The following F13A1 variants were observed in gnomAD, a reference collection of about 807,000 sequenced individuals.
The protein encoded by F13A1 is FSF, A subunit.
In F13A1, 47 loss-of-function variants were observed where a neutral mutation model predicts 80.1. The ratio of observed to expected loss-of-function variants is 0.59; its 90% CI spans 0.46 to 0.75. The LOEUF (loss-of-function observed/expected upper bound fraction) is 0.75. F13A1 is among the 30% of genes least tolerant of loss of function. The probability of loss-of-function intolerance (pLI) is 0.00; values close to 1 mark genes in which losing one functional copy is unlikely to be tolerated. For synonymous variants in F13A1, 349 were observed against 344.9 expected, an observed-to-expected ratio of 1.01 and a Z score of -0.13; for missense variants, 817 against 930.4, an observed-to-expected ratio of 0.88 and a Z score of 1.59.
chr6:6,256,389 C>T (rs756676372), intron 4 of F13A1, among the ~76,000 whole-genome samples: 2 of 152,112 alleles, frequency 1.3e-5, no homozygotes, highest in Non-Finnish European at 2.9e-5. Context: ...ACCACCATTA[C>T]GATAAAACTC....
intron 13 of F13A1, among the ~76,000 whole-genome samples, chr6:6,154,873 A>T (rs1328380252): frequency 2.6e-5 from 4 of 152,246 alleles, no homozygotes; most frequent in African/African-American, 9.6e-5. Flanking sequence ...CCACAGAGAC[A>T]TTATTGGCAA....
At chr6:6,178,467 A>G (rs1583057560) in intron 11 of F13A1, among the ~76,000 whole-genome samples, 1 of 152,268 alleles carries the variant, frequency 6.6e-6, no homozygotes, top group South Asian at 2.1e-4. Context: ...TCTCTTCACC[A>G]GAGTAGGGGG....
intron 3 of F13A1, among the ~76,000 whole-genome samples, chr6:6,299,947 TTGTC>T (rs1375021355): frequency 2.7e-5 from 4 of 147,522 alleles, no homozygotes; most frequent in East Asian, 1.9e-4. Flanking sequence ...TCCTTTCTGT[TTGTC>T]AGTTTTCCTT....
intron 3 of F13A1, among the ~76,000 whole-genome samples, chr6:6,283,606 A>AC: frequency 6.6e-6 from 1 of 152,210 alleles, no homozygotes; most frequent in East Asian, 1.9e-4. Context: ...TTTAAAAAAA[A>AC]CTTTTAAACA....
chr6:6,224,869 G>A lies in F13A1; in HGVS notation c.799-9C>T. 6.2e-7 allele frequency: 1 copy of A among 1,614,000 alleles called. No homozygotes were observed. The highest frequency in any genetic ancestry group is 1.1e-5 in the South Asian group (1 of 91,084). On this transcript the variant is annotated splice_polypyrimidine_tract_variant and intron_variant, in intron 6 of 14. Coordinates refer to ENST00000264870, the MANE Select transcript of F13A1 (RefSeq NM_000129.4). ...TCATCTTTGGCATTCACCTAAATGA[G>A]TCCGTGAGAAGTGAGAAGGAAGAAA...
intron 3 of F13A1, among the ~76,000 whole-genome samples, chr6:6,289,608 C>T (rs1394024043): frequency 6.6e-6 from 1 of 152,028 alleles, no homozygotes; most frequent in Non-Finnish European, 1.5e-5. Flanking sequence ...TTACTAATGT[C>T]CCTAACAAAA....
intron 13 of F13A1, among the ~76,000 whole-genome samples, chr6:6,161,551 T>TGTGTGTGTGTGTGTGTGTGTGTGAGA (rs1010361754): frequency 6.8e-6 from 1 of 146,282 alleles, no homozygotes; most frequent in African/African-American, 2.5e-5. Context: ...TGTGTGTGTG[T>TGTGTGTGTGTGTGTGTGTGTGTGAGA]GAGAGAGAGA....
intron 6 of F13A1, among the ~76,000 whole-genome samples, chr6:6,241,134 T>G (rs187154704): frequency 2.0e-5 from 3 of 152,244 alleles, no homozygotes; most frequent in Admixed American, 6.5e-5. Context: ...ATATGAATCA[T>G]AGAAAGAGAC....
intron 14 of F13A1, among the ~76,000 whole-genome samples, chr6:6,146,701 T>C (rs1240469912): frequency 6.6e-6 from 1 of 152,220 alleles, no homozygotes; most frequent in Non-Finnish European, 1.5e-5. Context: ...AGTCCCTTTT[T>C]CAAGATCACA....
chr6:6,256,124 T>A (rs1038780201), intron 4 of F13A1, among the ~76,000 whole-genome samples: 7 of 152,140 alleles, frequency 4.6e-5, no homozygotes, highest in Non-Finnish European at 7.3e-5. Flanking sequence ...GGGAAGCTAG[T>A]TCTTCACTTA....
chr6:6,184,089 G>A (rs1280954759), intron 10 of F13A1, among the ~76,000 whole-genome samples: 1 of 152,218 alleles, frequency 6.6e-6, no homozygotes, highest in Non-Finnish European at 1.5e-5. Flanking sequence ...TACTAAGGGG[G>A]AGATAGCCAA....
chr6:6,206,664 C>T, intron 8 of F13A1: 1 of 410,118 alleles, frequency 2.4e-6, no homozygotes, highest in Non-Finnish European at 5.1e-6. Context: ...GCAATGCCCC[C>T]TTCTTGTTTT....
chr6:6,160,075 G>A (rs111502553), intron 13 of F13A1, among the ~76,000 whole-genome samples: 2,399 of 151,836 alleles, frequency 0.016, 34 homozygotes, highest in Middle Eastern at 0.044. Flanking sequence ...TCAGGAGTTC[G>A]AGACCAGCCT....
At chr6:6,189,870 G>A (rs915187633) in intron 10 of F13A1, among the ~76,000 whole-genome samples, 36 of 152,060 alleles carry the variant, frequency 2.4e-4, no homozygotes, top group Non-Finnish European at 3.1e-4. Flanking sequence ...CCAGTGAGAC[G>A]TAGATTTGGT....
intron 4 of F13A1, among the ~76,000 whole-genome samples, chr6:6,252,995 C>G (rs967694259): frequency 1.6e-4 from 25 of 151,916 alleles, no homozygotes; most frequent in Middle Eastern, 3.4e-3. Context: ...CCCATCTCTA[C>G]TAAAAATAAA....
At chr6:6,314,507 G>C (rs1758652583) in intron 2 of F13A1, among the ~76,000 whole-genome samples, 1 of 152,138 alleles carries the variant, frequency 6.6e-6, no homozygotes, top group South Asian at 2.1e-4. Context: ...GCGCTTGCCT[G>C]TCAGGAACAC....
chr6:6,304,829 C>T (rs980886257), intron 3 of F13A1, among the ~76,000 whole-genome samples: 3 of 144,900 alleles, frequency 2.1e-5, no homozygotes, highest in Non-Finnish European at 4.5e-5. Context: ...CACCACTGTT[C>T]CAGCCTGGGC....
Position 6,182,017 on chromosome 6 carries a change from T to G in F13A1, c.1430A>C (p.Asp477Ala). The change falls in exon 11 of 15, where the codon GAT (aspartate) becomes GCT (alanine). Residue 477 changes from aspartate (D) to alanine (A), a missense_variant. By Grantham distance (126) the Asp-to-Ala change is moderately radical (BLOSUM62 -2). Coordinates refer to ENST00000264870, the MANE Select transcript of F13A1 (RefSeq NM_000129.4). ...TKQIGGDGMM[D>A]ITDTYKFQEG... ...TTGGAATTTGTAAGTATCAGTAATA[T>G]CCATCATGCCATCTCCTCCAATTTG... 6.2e-7 allele frequency: 1 copy of G among 1,614,192 alleles called. No individual in the cohort carries two copies. Among genetic ancestry groups the G allele is most frequent in the Non-Finnish European group, 8.5e-7 (1 of 1,180,016 alleles).
chr6:6,186,550 T>C (rs2151078718), intron 10 of F13A1, among the ~76,000 whole-genome samples: 1 of 152,354 alleles, frequency 6.6e-6, no homozygotes, highest in South Asian at 2.1e-4. Context: ...CGGCATTATT[T>C]CTGAGGACTC....
Sources: allele counts gnomAD v4.1 joint callset (sites outside exome capture counted in the v4.1 genomes callset), GRCh38; gene constraint gnomAD v4.1.1; transcripts MANE v1.5; gene names NCBI Gene and HGNC (gene_info 2026-07-23, HGNC 2026-07-21).